PCDH15: variants seen among roughly 807,000 people sequenced by gnomAD.
The protein encoded by PCDH15 is protocadherin-15.
A neutral mutation model predicts 178.5 loss-of-function variants in PCDH15; 129 were observed. The observed-to-expected ratio is 0.72, with a 90% CI of 0.63 to 0.84. The LOEUF (loss-of-function observed/expected upper bound fraction) is 0.84, where lower values mean the gene tolerates loss of function less well. PCDH15 is among the 40% of genes least tolerant of loss of function. The pLI is 0.00. For missense variants in PCDH15, 2,230 were observed against 2,099.9 expected, an observed-to-expected ratio of 1.06 and a Z score of -1.21; for synonymous variants, 800 against 732.0, an observed-to-expected ratio of 1.09 and a Z score of -1.50.
chr10:55,350,735 T>C, intron 2 of PCDH15, among the ~76,000 whole-genome samples: 1 of 152,058 alleles, frequency 6.6e-6, no homozygotes, highest in East Asian at 1.9e-4. Flanking sequence ...ATAGGAAAAT[T>C]TTCTGAGAAT....
chr10:55,157,235 C>A (rs1487946684), intron 2 of PCDH15, among the ~76,000 whole-genome samples: 1 of 151,886 alleles, frequency 6.6e-6, no homozygotes, highest in Non-Finnish European at 1.5e-5. Flanking sequence ...CAGAGAAATG[C>A]AAATTAAAAC....
At chr10:54,617,214 T>C (rs2093192162) in intron 2 of PCDH15, among the ~76,000 whole-genome samples, 1 of 151,928 alleles carries the variant, frequency 6.6e-6, no homozygotes, top group Non-Finnish European at 1.5e-5. Flanking sequence ...GACTATTTGG[T>C]AAACATCACC....
chr10:55,361,705 T>C (rs1845234020), intron 2 of PCDH15, among the ~76,000 whole-genome samples: 1 of 152,078 alleles, frequency 6.6e-6, no homozygotes, highest in African/African-American at 2.4e-5. Context: ...TATGACATAA[T>C]TTGAATTATT....
chr10:55,401,557 A>T (rs982408527), intron 2 of PCDH15, among the ~76,000 whole-genome samples: 2 of 150,532 alleles, frequency 1.3e-5, no homozygotes, highest in African/African-American at 2.5e-5. Context: ...ACTAACGGAC[A>T]TGACTTACCA....
At chr10:53,848,413 A>G (rs932504328) in intron 28 of PCDH15, among the ~76,000 whole-genome samples, 1 of 152,046 alleles carries the variant, frequency 6.6e-6, no homozygotes, top group African/African-American at 2.4e-5. Flanking sequence ...GTTATTTTCT[A>G]CTTGGTACAA....
At chr10:53,954,531 G>T (rs1220954119) in intron 23 of PCDH15, among the ~76,000 whole-genome samples, 1 of 152,268 alleles carries the variant, frequency 6.6e-6, no homozygotes, top group South Asian at 2.1e-4. Context: ...CTAGTTTTCA[G>T]CTCATAACTC....
intron 31 of PCDH15, 145 bp from the exon 32 acceptor site, chr10:53,827,693 A>C: frequency 1.0e-6 from 1 of 975,308 alleles, no homozygotes; most frequent in Non-Finnish European, 1.6e-6. Context: ...AACAGATGTA[A>C]TTACAAAAGC....
At chr10:55,074,828 C>A (rs1841839774) in intron 2 of PCDH15, among the ~76,000 whole-genome samples, 1 of 152,210 alleles carries the variant, frequency 6.6e-6, no homozygotes, top group Non-Finnish European at 1.5e-5. Context: ...AGATTTTCTT[C>A]TAAGATTTTT....
intron 15 of PCDH15, among the ~76,000 whole-genome samples, chr10:54,105,305 TATATATATATATAC>T (rs1251288323): frequency 0.051 from 4,979 of 96,710 alleles, 182 homozygotes; most frequent in African/African-American, 0.13. Context: ...TATATATATA[TATATATATATATAC>T]ACACACACAT....
At chr10:54,760,997 A>G (rs988754105) in intron 1 of PCDH15, among the ~76,000 whole-genome samples, 1 of 152,148 alleles carries the variant, frequency 6.6e-6, no homozygotes, top group Non-Finnish European at 1.5e-5. Context: ...TCGAATCAAT[A>G]TAACTGGTAG....
intron 2 of PCDH15, among the ~76,000 whole-genome samples, chr10:54,928,825 G>C (rs574110048): frequency 5.9e-5 from 9 of 152,184 alleles, no homozygotes; most frequent in Middle Eastern, 3.4e-3. Context: ...GTCAGCACCT[G>C]TATCATTGTA....
chr10:55,082,370 TG>T (rs903146722), intron 2 of PCDH15, among the ~76,000 whole-genome samples: 3 of 151,018 alleles, frequency 2.0e-5, no homozygotes, highest in African/African-American at 4.9e-5. Context: ...CAAACAAAAA[TG>T]AAAACACAAC....
rs572479063 is a variant in PCDH15, at chr10:55,591,660, C to G, written c.-156+35965G>C. ...ATCTCACCTGAAGATGTCTGAGTAT[C>G]AGGGGAGGAGTAAGGAGGAATAGGC... is the stretch of plus-strand genomic sequence containing the variant. On this transcript the variant is annotated intron_variant, in intron 2 of 5. Transcript: ENST00000613346. Among the ~76,000 whole-genome samples the G allele has an allele frequency of 3.9e-5, 6 of 152,102 alleles. No individual in the cohort carries two copies. In the East Asian group the frequency reaches 1.2e-3, roughly 29 times the overall value.
At chr10:54,719,282 C>G (rs2095517100) in intron 1 of PCDH15, among the ~76,000 whole-genome samples, 1 of 151,986 alleles carries the variant, frequency 6.6e-6, no homozygotes, top group African/African-American at 2.4e-5. Context: ...AGCTGGAAGA[C>G]AGATCTTTTC....
intron 1 of PCDH15, among the ~76,000 whole-genome samples, chr10:55,240,398 T>G (rs944090898): frequency 6.6e-6 from 1 of 152,172 alleles, no homozygotes; most frequent in African/African-American, 2.4e-5. Context: ...TTATTGTCCA[T>G]TTAAAAAACC....
intron 3 of PCDH15, among the ~76,000 whole-genome samples, chr10:54,382,734 G>C (rs1415240528): frequency 6.6e-6 from 1 of 152,082 alleles, no homozygotes; most frequent in Admixed American, 6.6e-5. Flanking sequence ...CAGATGAAAT[G>C]GTAGCCCTGA....
chr10:54,721,301 T>A (rs72794548), intron 1 of PCDH15, among the ~76,000 whole-genome samples: 18,478 of 151,540 alleles, frequency 0.12, 1,241 homozygotes, highest in African/African-American at 0.17. Flanking sequence ...CAAAGTAACA[T>A]CCAAATTTTG....
Position 55,548,228 on chromosome 10 carries a change from A to G in PCDH15, c.-156+79397T>C, listed in dbSNP as rs1419709104. On this transcript the variant is annotated intron_variant, in intron 2 of 5. Transcript: ENST00000613346. ...GCCTAATGCACACACACACACACAC[A>G]CACACACACACACACACACACACAC... 9.9e-5 allele frequency among the ~76,000 whole-genome samples: 15 copies of G among 151,258 alleles called. No homozygotes were observed. The South Asian group carries it at 1.7e-3, about 17-fold the overall frequency.
At chr10:54,695,879 A>G (rs1339186220) in intron 1 of PCDH15, among the ~76,000 whole-genome samples, 1 of 151,984 alleles carries the variant, frequency 6.6e-6, no homozygotes, top group African/African-American at 2.4e-5. Context: ...TGGAAAAAAA[A>G]AGATTATTTT....
Sources: gnomAD v4.1 joint callset for allele counts (sites outside exome capture counted in the v4.1 genomes callset) on GRCh38, gnomAD v4.1.1 for gene constraint, MANE v1.5 for transcripts, NCBI Gene and HGNC (gene_info 2026-07-23, HGNC 2026-07-21) for gene names.